The following ASXL3 variants were observed in gnomAD, a reference collection of about 807,000 sequenced individuals.
ASXL3 encodes the protein putative Polycomb group protein ASXL3.
A neutral mutation model predicts 170.6 loss-of-function variants in ASXL3; 34 were observed. The ratio of observed to expected loss-of-function variants is 0.20; its 90% confidence interval spans 0.15 to 0.27. ASXL3 has a LOEUF of 0.27. Among genes scored for constraint, ASXL3 ranks in the 10% least tolerant of loss-of-function variants. ASXL3 has a pLI of 1.00. For missense variants in ASXL3, 2,592 were observed against 2,695.3 expected (o/e 0.96, Z 0.85); for synonymous variants, 1,002 against 989.1 (o/e 1.01, Z -0.24).
intron 2 of ASXL3, among the ~76,000 whole-genome samples, chr18:33,610,052 AG>A (rs1396464847): frequency 2.0e-4 from 31 of 151,974 alleles, no homozygotes; most frequent in African/African-American, 7.5e-4. Flanking sequence ...CTTTTGAGTA[AG>A]TTTAGGACTG....
intron 2 of ASXL3, among the ~76,000 whole-genome samples, chr18:33,611,923 T>G (rs1360225663): frequency 6.6e-6 from 1 of 151,990 alleles, no homozygotes; most frequent in Non-Finnish European, 1.5e-5. Flanking sequence ...TTACGTAATT[T>G]TTAAAGTGGT....
At chr18:33,688,501 G>C (rs1568329068) in intron 8 of ASXL3, among the ~76,000 whole-genome samples, 1 of 152,180 alleles carries the variant, frequency 6.6e-6, no homozygotes, top group African/African-American at 2.4e-5. Flanking sequence ...AGATTACTGT[G>C]TCTGCTATGG....
Position 33,732,431 on chromosome 18 carries a change from C to T in ASXL3, c.976+367C>T, listed in dbSNP as rs911454888. ...CGCGGAAGTTACTGCTTCACCTTAT[C>T]CTTCCTTTAATCACCAAGTTTCTTG... On this transcript the variant is annotated intron_variant, in intron 9 of 11. Coordinates refer to ENST00000269197, the MANE Select transcript of ASXL3 (RefSeq NM_030632.3). Among the ~76,000 whole-genome samples the T allele has an allele frequency of 6.6e-5, 10 of 152,174 alleles. No individual in the cohort carries two copies. In the South Asian group the frequency reaches 8.3e-4, roughly 13 times the overall value.
At chr18:33,582,441 T>C (rs2065001701) in intron 1 of ASXL3, among the ~76,000 whole-genome samples, 1 of 152,208 alleles carries the variant, frequency 6.6e-6, no homozygotes, top group Non-Finnish European at 1.5e-5. Flanking sequence ...TGCAAAAATA[T>C]TGCTTTGAGA....
At chr18:33,590,111 G>GTTTTTTTTTTTGTT (rs2065064686) in intron 1 of ASXL3, among the ~76,000 whole-genome samples, 1 of 83,182 alleles carries the variant, frequency 1.2e-5, no homozygotes, top group Non-Finnish European at 2.2e-5. Flanking sequence ...TGCTTTCTAT[G>GTTTTTTTTTTTGTT]TTTTTTTTTT....
intron 10 of ASXL3, among the ~76,000 whole-genome samples, chr18:33,737,955 C>A (rs1325904538): frequency 1.3e-5 from 2 of 152,080 alleles, no homozygotes; most frequent in South Asian, 4.2e-4. Context: ...ATATTTTATA[C>A]GTTATTTTGC....
chr18:33,686,165 CACTT>C (rs373969797), intron 8 of ASXL3, among the ~76,000 whole-genome samples: 5 of 152,280 alleles, frequency 3.3e-5, no homozygotes, highest in African/African-American at 1.2e-4. Flanking sequence ...CCTTGAATAA[CACTT>C]AGTCCATTGA....
At chr18:33,613,552 G>A (rs764518339) in intron 2 of ASXL3, among the ~76,000 whole-genome samples, 2 of 152,042 alleles carry the variant, frequency 1.3e-5, no homozygotes, top group Non-Finnish European at 2.9e-5. Flanking sequence ...TATAAAAGTC[G>A]TATTTGTATA....
intron 8 of ASXL3, among the ~76,000 whole-genome samples, chr18:33,720,289 AG>A (rs150145919): frequency 0.036 from 5,528 of 152,154 alleles, 332 homozygotes; most frequent in African/African-American, 0.13. Flanking sequence ...TGTTTGTTAA[AG>A]AAAGGAATGA....
At chr18:33,635,404 A>G (rs574845888) in intron 2 of ASXL3, among the ~76,000 whole-genome samples, 28 of 152,230 alleles carry the variant, frequency 1.8e-4, no homozygotes, top group Non-Finnish European at 8.8e-5. Context: ...TTTTCTTTCC[A>G]TGCTTTACTC....
intron 2 of ASXL3, among the ~76,000 whole-genome samples, chr18:33,623,695 T>A (rs938685637): frequency 6.6e-6 from 1 of 152,182 alleles, no homozygotes; most frequent in Admixed American, 6.6e-5. Flanking sequence ...AAATGTTTCA[T>A]GTTTCCATAA....
intron 7 of ASXL3, 34 bp from the exon 8 acceptor site, chr18:33,683,371 T>C (rs1449850593): frequency 6.3e-6 from 10 of 1,584,814 alleles, no homozygotes; most frequent in Non-Finnish European, 8.6e-6. Context: ...CCTCTACCTG[T>C]AGTAAATTCA....
At chr18:33,601,795 A>ATATATATATATATATATATATATATATAT (rs1377913565) in intron 1 of ASXL3, among the ~76,000 whole-genome samples, 1 of 143,596 alleles carries the variant, frequency 7.0e-6, no homozygotes, top group Non-Finnish European at 1.5e-5. Flanking sequence ...GTATATATAT[A>ATATATATATATATATATATATATATATAT]GTTTGTTTGT....
chr18:33,703,724 C>T (rs1027441585), intron 8 of ASXL3, among the ~76,000 whole-genome samples: 33 of 152,146 alleles, frequency 2.2e-4, no homozygotes, highest in African/African-American at 7.0e-4. Context: ...GAGCTTCCCT[C>T]ACATGAATCT....
chr18:33,629,531 G>A (rs558420321), intron 2 of ASXL3, among the ~76,000 whole-genome samples: 1 of 152,016 alleles, frequency 6.6e-6, no homozygotes, highest in Non-Finnish European at 1.5e-5. Flanking sequence ...CATTTAGTTA[G>A]TTGATTAAAT....
Position 33,700,461 on chromosome 18 carries a change from T to C in ASXL3, c.879+16893T>C, listed in dbSNP as rs549740804. On this transcript the variant is annotated intron_variant, in intron 8 of 11. Transcript: ENST00000269197. ...GATCACCACAGGTTCATTTTTTTTT[T>C]CCCCAGGAAAGTAGATATCAGGATC... 3.8e-3 allele frequency among the ~76,000 whole-genome samples: 576 copies of C among 152,000 alleles called. 2 individuals carry two copies. Among genetic ancestry groups the C allele is most frequent in the Middle Eastern group, 0.014 (4 of 294 alleles).
In ASXL3 at chr18:33,745,268, G is replaced by T; in HGVS notation, c.5420G>T (p.Gly1807Val). The change falls in exon 12 of 12, where the codon GGT becomes GTT. Residue 1807 changes from glycine (G) to valine (V), a missense_variant. Gly to Val is a moderately radical substitution (Grantham distance 109). Coordinates refer to ENST00000269197, the MANE Select transcript of ASXL3 (RefSeq NM_030632.3). ...CCGCCCAGCTCTCCAAATCCAGATG[G>T]TAAGGGCTACTTGGCAGGGACTCTG... ...EIPPSSPNPDGKGYLAGTLAP... is the reference protein window; with the variant it reads ...EIPPSSPNPDVKGYLAGTLAP... The T allele has an allele frequency of 1.2e-6, 2 of 1,614,006 alleles. No homozygotes were observed. Among genetic ancestry groups the T allele is most frequent in the Non-Finnish European group, 1.7e-6 (2 of 1,179,892 alleles).
rs776506817 is a variant in ASXL3 at position 33,742,955 on chromosome 18, G to C, written c.3107G>C (p.Arg1036Pro). 2.5e-6 allele frequency: 4 copies of C among 1,613,488 alleles called. No individual in the cohort carries two copies. ...KSQPVSKPES[R>P]ASTSTSVSGG... ...CAACCAGTCTCCAAACCTGAGTCTCGAGCATCCACTAGCACATCTGTCAGT... is the reference window on the plus strand; with the variant it reads ...CAACCAGTCTCCAAACCTGAGTCTCCAGCATCCACTAGCACATCTGTCAGT... The change falls in exon 12 of 12, where the codon CGA (arginine) becomes CCA (proline). Residue 1036 changes from arginine to proline, a missense_variant. Around this residue, in one of 4 missense-constraint regions of ASXL3, gnomAD observed 2,246 missense variants for 2,219.6 expected, o/e 1.01. Transcript: ENST00000269197.
intron 8 of ASXL3, among the ~76,000 whole-genome samples, chr18:33,731,450 T>C (rs1202404808): frequency 2.6e-5 from 4 of 152,188 alleles, no homozygotes; most frequent in South Asian, 2.1e-4. Context: ...GTTGACAGTA[T>C]ACCTTATGCT....
Sources: gnomAD v4.1 joint callset for allele counts (sites outside exome capture counted in the v4.1 genomes callset) on GRCh38, gnomAD v4.1.1 for gene constraint, gnomAD v4.1.1 regional missense constraint, MANE v1.5 for transcripts, NCBI Gene and HGNC (gene_info 2026-07-23, HGNC 2026-07-21) for gene names.